The following RFX7 variants were observed in gnomAD, a reference collection of about 807,000 sequenced individuals.
RFX7 encodes DNA-binding protein RFX7.
RFX7 carries 26 observed loss-of-function variants against 111.8 expected under a neutral mutation model. That is an observed-to-expected ratio of 0.23 (90% CI 0.17 to 0.32). The LOEUF (loss-of-function observed/expected upper bound fraction) is 0.32. Among genes scored for constraint, RFX7 ranks in the 10% least tolerant of loss-of-function variants. The pLI is 1.00. For synonymous variants in RFX7, 624 were observed against 624.4 expected, an observed-to-expected ratio of 1.00 and a Z score of 0.01; for missense variants, 1,573 against 1,772.9, an observed-to-expected ratio of 0.89 and a Z score of 2.02.
intron 5 of RFX7, among the ~76,000 whole-genome samples, chr15:56,140,472 G>A (rs918664814): frequency 9.2e-5 from 14 of 152,140 alleles, no homozygotes; most frequent in African/African-American, 2.4e-4. Context: ...GCCCTGCTTC[G>A]GCTGGCGCAC....
At chr15:56,164,493 G>A in intron 3 of RFX7, among the ~76,000 whole-genome samples, 1 of 152,248 alleles carries the variant, frequency 6.6e-6, no homozygotes, top group East Asian at 1.9e-4. Flanking sequence ...AGATGGAGAT[G>A]AGACTAGGAA....
chr15:56,196,106 A>G (rs2141171787), intron 2 of RFX7, among the ~76,000 whole-genome samples: 1 of 152,288 alleles, frequency 6.6e-6, no homozygotes, highest in South Asian at 2.1e-4. Flanking sequence ...ACATTATTTC[A>G]TTCATATATT....
intron 2 of RFX7, among the ~76,000 whole-genome samples, chr15:56,227,854 C>T (rs1054365210): frequency 2.6e-5 from 4 of 152,160 alleles, no homozygotes; most frequent in African/African-American, 9.6e-5. Flanking sequence ...CATTTTCCTT[C>T]TCTCTGAAGA....
intron 3 of RFX7, among the ~76,000 whole-genome samples, chr15:56,154,942 C>A (rs1160806388): frequency 2.0e-5 from 3 of 151,924 alleles, no homozygotes; most frequent in Non-Finnish European, 2.9e-5. Context: ...AGAAAAAAAA[C>A]AACCCCATCA....
rs1215308748 is a variant in RFX7 at position 56,087,432 on chromosome 15, A to T, written c.*5913T>A. 2.2e-6 allele frequency: 1 copy of T among 456,710 alleles called. No individual in the cohort carries two copies. The allele number at this position is 456,710 out of a possible 1,614,324, so 28.3% of individuals were successfully genotyped here. ...CAATCATCCTCAGCATGTGTCTTTA[A>T]CATGAAGTCCAGGAGGGCTGCTTGA... is the stretch of plus-strand genomic sequence containing the variant. On this transcript the variant is annotated 3_prime_UTR_variant, in exon 10 of 10. Coordinates refer to ENST00000559447, the MANE Select transcript of RFX7 (RefSeq NM_022841.7).
chr15:56,216,832 T>A (rs188116861), intron 2 of RFX7, among the ~76,000 whole-genome samples: 4 of 152,228 alleles, frequency 2.6e-5, no homozygotes, highest in East Asian at 1.9e-4. Context: ...CTTTCTTTTT[T>A]AAAAAATATA....
chr15:56,214,600 A>C (rs916189598), intron 2 of RFX7, among the ~76,000 whole-genome samples: 1 of 151,974 alleles, frequency 6.6e-6, no homozygotes. Flanking sequence ...CTGTAGTCCC[A>C]GCTACTTGGG....
intron 2 of RFX7, among the ~76,000 whole-genome samples, chr15:56,187,384 G>A (rs1475522914): frequency 1.3e-5 from 2 of 151,770 alleles, no homozygotes; most frequent in African/African-American, 2.4e-5. Context: ...CTAATTTTTT[G>A]TATTTAAGTA....
chr15:56,140,151 G>A (rs1438134085), intron 5 of RFX7, among the ~76,000 whole-genome samples: 18 of 152,214 alleles, frequency 1.2e-4, no homozygotes, highest in African/African-American at 4.3e-4. Flanking sequence ...CGCCCAGTTG[G>A]AGCTTCCTGG....
chr15:56,127,009 A>G (rs768734716), intron 5 of RFX7, among the ~76,000 whole-genome samples: 8 of 152,182 alleles, frequency 5.3e-5, no homozygotes, highest in Non-Finnish European at 1.2e-4. Flanking sequence ...AACTAGACCT[A>G]AAAGACATCT....
chr15:56,144,552 C>T, intron 3 of RFX7, 69 bp from the exon 4 acceptor site: 1 of 700,850 alleles, frequency 1.4e-6, no homozygotes, highest in Non-Finnish European at 2.3e-6. Context: ...ACAAAATTTA[C>T]TAACATCTCC....
intron 5 of RFX7, among the ~76,000 whole-genome samples, chr15:56,131,715 ATACT>A (rs1221635516): frequency 6.6e-6 from 1 of 152,232 alleles, no homozygotes; most frequent in Non-Finnish European, 1.5e-5. Flanking sequence ...TAAGTGATAC[ATACT>A]TAACATCAGT....
chr15:56,174,076 G>A (rs1008568327), intron 3 of RFX7, among the ~76,000 whole-genome samples: 6 of 152,122 alleles, frequency 3.9e-5, no homozygotes, highest in South Asian at 2.1e-4. Flanking sequence ...TCACGAGTCC[G>A]AGACCAGTCT....
At chr15:56,189,341 C>A (rs1273965557) in intron 2 of RFX7, among the ~76,000 whole-genome samples, 4 of 151,970 alleles carry the variant, frequency 2.6e-5, no homozygotes, top group African/African-American at 9.7e-5. Context: ...GATCATGTTA[C>A]TGCAATTCAC....
At chr15:56,190,873 A>T (rs1175408968) in intron 2 of RFX7, among the ~76,000 whole-genome samples, 17 of 152,240 alleles carry the variant, frequency 1.1e-4, no homozygotes. Flanking sequence ...AGAAAACAAA[A>T]TTTTAATCCT....
intron 3 of RFX7, among the ~76,000 whole-genome samples, chr15:56,167,151 A>C (rs1166561358): frequency 6.6e-6 from 1 of 151,894 alleles, no homozygotes; most frequent in Non-Finnish European, 1.5e-5. Context: ...CAAAAAAACA[A>C]AATTTTTTTT....
Position 56,101,107 on chromosome 15 carries a change from T to C in RFX7, c.811+252A>G, listed in dbSNP as rs551472656. ...TAGCAATGGAAAAATTAATAACATATCAGCTGGGGAATCTACAGTTTCATA... is the reference window on the plus strand; with the variant it reads ...TAGCAATGGAAAAATTAATAACATACCAGCTGGGGAATCTACAGTTTCATA... On this transcript the variant is annotated intron_variant, in intron 8 of 9. Coordinates refer to ENST00000559447, the MANE Select transcript of RFX7 (RefSeq NM_022841.7). Among the ~76,000 whole-genome samples the C allele has an allele frequency of 7.2e-5, 11 of 152,252 alleles. No individual in the cohort carries two copies. In the East Asian group the frequency reaches 2.1e-3, roughly 29 times the overall value.
At chr15:56,155,986 A>T (rs1371498856) in intron 3 of RFX7, among the ~76,000 whole-genome samples, 1 of 151,056 alleles carries the variant, frequency 6.6e-6, no homozygotes, top group Non-Finnish European at 1.5e-5. Flanking sequence ...TTTTACTTTT[A>T]AAAAAATCCA....
chr15:56,106,393 C>A (rs2041830213), intron 5 of RFX7, among the ~76,000 whole-genome samples: 1 of 152,044 alleles, frequency 6.6e-6, no homozygotes, highest in Non-Finnish European at 1.5e-5. Flanking sequence ...AGAAAACTGC[C>A]TATGATTCAA....
Sources: allele counts gnomAD v4.1 joint callset (sites outside exome capture counted in the v4.1 genomes callset), GRCh38; gene constraint gnomAD v4.1.1; transcripts MANE v1.5; gene names NCBI Gene and HGNC (gene_info 2026-07-23, HGNC 2026-07-21).